KCNN2: variants seen among roughly 807,000 people sequenced by gnomAD.
KCNN2 encodes small conductance calcium-activated potassium channel protein 2.
A neutral mutation model predicts 55.5 loss-of-function variants in KCNN2; 24 were observed. That is an observed-to-expected ratio of 0.43 (90% CI 0.31 to 0.61). The LOEUF (loss-of-function observed/expected upper bound fraction) is 0.61. Among genes scored for constraint, KCNN2 ranks in the 20% least tolerant of loss-of-function variants. The pLI is 0.08. For synonymous variants in KCNN2, 431 were observed against 336.1 expected (o/e 1.28, Z -3.09); for missense variants, 754 against 853.6 (o/e 0.88, Z 1.45).
exon 1 of KCNN2, chr5:114,056,374 C>G: frequency 2.5e-6 from 1 of 398,636 alleles, no homozygotes; most frequent in Non-Finnish European, 4.4e-6. Context: ...TCCCGGTGAA[C>G]CTGCCGGAAT....
chr5:114,129,426 A>G (rs1322771915), intron 1 of KCNN2, among the ~76,000 whole-genome samples: 2 of 152,190 alleles, frequency 1.3e-5, no homozygotes, highest in Non-Finnish European at 2.9e-5. Context: ...GCTGCCACTG[A>G]CGCTCTTCAT....
intron 3 of KCNN2, among the ~76,000 whole-genome samples, chr5:114,431,088 C>T (rs984088440): frequency 6.6e-6 from 1 of 151,970 alleles, no homozygotes. Flanking sequence ...TTAGGGTAAT[C>T]CTGGCTTTAT....
chr5:114,338,306 C>A (rs536441746), intron 2 of KCNN2, among the ~76,000 whole-genome samples: 2 of 152,114 alleles, frequency 1.3e-5, no homozygotes, highest in Admixed American at 6.6e-5. Flanking sequence ...ATCTAAGCTG[C>A]CACTGATTTC....
chr5:114,329,336 GA>G lies in KCNN2; in HGVS notation c.-184-31608del, dbSNP rs1580725469. On this transcript the variant is annotated intron_variant, in intron 2 of 10. Coordinates refer to the KCNN2 transcript ENST00000512097. ...ATTAACATTTGAGTCAGTGGACTGGGAGAGGCAGACCCACCCTCAATCTGTG... is the reference window on the plus strand; with the variant it reads ...ATTAACATTTGAGTCAGTGGACTGGGGAGGCAGACCCACCCTCAATCTGTG... Among the ~76,000 whole-genome samples the G allele has an allele frequency of 2.0e-5, 3 of 152,320 alleles. No individual in the cohort carries two copies. The East Asian group carries it at 5.8e-4, about 29-fold the overall frequency.
intron 1 of KCNN2, among the ~76,000 whole-genome samples, chr5:114,066,927 G>A (rs1243051365): frequency 6.6e-6 from 1 of 152,222 alleles, no homozygotes; most frequent in Non-Finnish European, 1.5e-5. Context: ...ATGGACCCAA[G>A]TTTCAGGGAG....
intron 1 of KCNN2, among the ~76,000 whole-genome samples, chr5:114,207,653 G>A (rs557397302): frequency 1.3e-5 from 2 of 152,180 alleles, no homozygotes; most frequent in South Asian, 2.1e-4. Flanking sequence ...AAAGGCAATC[G>A]AGACCATTTC....
At chr5:114,329,370 C>G (rs1756767227) in intron 2 of KCNN2, among the ~76,000 whole-genome samples, 2 of 152,174 alleles carry the variant, frequency 1.3e-5, no homozygotes, top group South Asian at 4.1e-4. Context: ...GTGTGGGCAT[C>G]ATCTAATCAG....
intron 1 of KCNN2, among the ~76,000 whole-genome samples, chr5:114,069,085 G>T (rs192329261): frequency 6.6e-6 from 1 of 152,178 alleles, no homozygotes; most frequent in Non-Finnish European, 1.5e-5. Context: ...AATGTGCTGG[G>T]ATTACAGGCG....
chr5:114,216,872 TTTTAA>T, intron 1 of KCNN2, among the ~76,000 whole-genome samples: 1 of 152,194 alleles, frequency 6.6e-6, no homozygotes. Context: ...AGAAAAAAAT[TTTTAA>T]AAACCTTCCT....
intron 1 of KCNN2, among the ~76,000 whole-genome samples, chr5:114,085,487 T>C (rs1248379515): frequency 6.6e-6 from 1 of 152,046 alleles, no homozygotes; most frequent in Non-Finnish European, 1.5e-5. Flanking sequence ...TAGTTTCCAA[T>C]TGCTCATTGA....
chr5:114,240,225 A>G (rs1342436188), intron 2 of KCNN2, among the ~76,000 whole-genome samples: 1 of 152,030 alleles, frequency 6.6e-6, no homozygotes, highest in African/African-American at 2.4e-5. Context: ...TATAAAATGT[A>G]TTATACCAAA....
chr5:114,476,576 G>T (rs1421912967), intron 5 of KCNN2, among the ~76,000 whole-genome samples: 1 of 151,768 alleles, frequency 6.6e-6, no homozygotes, highest in African/African-American at 2.4e-5. Flanking sequence ...GCACCACCAT[G>T]CCCAGCTAAT....
chr5:114,334,146 A>C (rs1280319395), intron 2 of KCNN2, among the ~76,000 whole-genome samples: 2 of 152,204 alleles, frequency 1.3e-5, no homozygotes, highest in African/African-American at 2.4e-5. Context: ...TTACCAACCC[A>C]TAATGGATTA....
intron 1 of KCNN2, among the ~76,000 whole-genome samples, chr5:114,175,194 A>C (rs1753110967): frequency 6.6e-6 from 1 of 152,192 alleles, no homozygotes; most frequent in Non-Finnish European, 1.5e-5. Flanking sequence ...TCTTTAGGCT[A>C]GGATTATGAG....
chr5:114,221,817 C>A (rs894648205), intron 2 of KCNN2, among the ~76,000 whole-genome samples: 2 of 152,120 alleles, frequency 1.3e-5, no homozygotes, highest in East Asian at 1.9e-4. Flanking sequence ...AATGTATTTT[C>A]ATTTGAATTT....
chr5:114,424,575 A>G (rs771809000), intron 3 of KCNN2, among the ~76,000 whole-genome samples: 2 of 152,228 alleles, frequency 1.3e-5, no homozygotes, highest in Non-Finnish European at 2.9e-5. Context: ...AATGCTGCTC[A>G]TATTTTAGAA....
At chr5:114,168,910 A>G (rs1180788720) in intron 1 of KCNN2, among the ~76,000 whole-genome samples, 1 of 152,086 alleles carries the variant, frequency 6.6e-6, no homozygotes, top group Non-Finnish European at 1.5e-5. Context: ...CTCATGTTGA[A>G]TTGTGATCCC....
In KCNN2 at chr5:114,362,934, T is replaced by TGCCGCCGCCGCCGCCGCTGCC; in HGVS notation, c.809_810insCGCTGCCGCCGCCGCCGCCGC (p.Ala264_Ala270dup). On this transcript the variant is annotated inframe_insertion, in exon 1 of 8. Transcript: ENST00000673685. ...GCGCGTCCTCCCCGTCTGCAGCCGC[T>TGCCGCCGCCGCCGCCGCTGCC]GCCGCCGCCGCCGCTGTTTCGTCCT... is the stretch of plus-strand genomic sequence containing the variant. 1 of 1,560,874 alleles carries TGCCGCCGCCGCCGCCGCTGCC rather than the reference T, an allele frequency of 6.4e-7. No homozygotes were observed. The highest frequency in any genetic ancestry group is 8.6e-7 in the Non-Finnish European group (1 of 1,161,082).
chr5:114,367,094 A>T (rs1349831904), intron 2 of KCNN2, among the ~76,000 whole-genome samples: 1 of 152,170 alleles, frequency 6.6e-6, no homozygotes, highest in Non-Finnish European at 1.5e-5. Context: ...TTCATGGAGA[A>T]CCTTGGAAAG....
Sources: allele counts gnomAD v4.1 joint callset (sites outside exome capture counted in the v4.1 genomes callset), GRCh38; gene constraint gnomAD v4.1.1; transcripts MANE v1.5; gene names NCBI Gene and HGNC (gene_info 2026-07-23, HGNC 2026-07-21).